Variants in PTPN14 observed in about 807,000 individuals in gnomAD.
PTPN14 encodes tyrosine-protein phosphatase non-receptor type 14.
PTPN14 carries 53 observed loss-of-function variants against 126.8 expected under a neutral mutation model. The ratio of observed to expected loss-of-function variants is 0.42; its 90% CI spans 0.34 to 0.53. The LOEUF (loss-of-function observed/expected upper bound fraction) is 0.53. PTPN14 is among the 20% of genes least tolerant of loss of function. PTPN14 has a pLI of 0.08. For synonymous variants in PTPN14, 630 were observed against 599.3 expected, an observed-to-expected ratio of 1.05 and a Z score of -0.75; for missense variants, 1,257 against 1,552.9, an observed-to-expected ratio of 0.81 and a Z score of 3.20.
At chr1:214,441,572 C>A (rs546126145) in intron 3 of PTPN14, among the ~76,000 whole-genome samples, 1 of 152,226 alleles carries the variant, frequency 6.6e-6, no homozygotes, top group Non-Finnish European at 1.5e-5. Flanking sequence ...CCTCTTCCAA[C>A]GTCAAGATTT....
intron 3 of PTPN14, among the ~76,000 whole-genome samples, chr1:214,423,658 C>T (rs188525870): frequency 1.4e-3 from 207 of 152,310 alleles, no homozygotes; most frequent in Admixed American, 2.3e-3. Context: ...TCACTGAAGG[C>T]GCATTTTCTC....
intron 3 of PTPN14, among the ~76,000 whole-genome samples, chr1:214,416,463 T>C (rs17022877): frequency 0.012 from 1,859 of 152,314 alleles, 47 homozygotes; most frequent in African/African-American, 0.042. Flanking sequence ...TGCTTCCAAC[T>C]TTCATCTACA....
Position 214,489,445 on chromosome 1 carries a change from C to T in PTPN14, c.-154-24488G>A, listed in dbSNP as rs114103944. 8.6e-3 allele frequency among the ~76,000 whole-genome samples: 1,314 copies of T among 152,292 alleles called. 34 individuals carry two copies. Among genetic ancestry groups the T allele is most frequent in the Non-Finnish European group, 7.3e-3 (497 of 68,030 alleles). ...ACCATACCGTTTCTAATCTCCAAGC[C>T]TTTGAGTATTATTGCTTCTGAGAGG... On this transcript the variant is annotated intron_variant, in intron 1 of 18. Coordinates refer to ENST00000366956, the MANE Select transcript of PTPN14 (RefSeq NM_005401.5).
chr1:214,530,002 T>C (rs1571649847), intron 1 of PTPN14: 1 of 152,320 alleles, frequency 6.6e-6, no homozygotes, highest in Middle Eastern at 3.4e-3. Context: ...GATAAACCTC[T>C]ACTTAAGAAA....
chr1:214,388,268 T>C (rs1302582928), intron 11 of PTPN14, among the ~76,000 whole-genome samples: 3 of 152,182 alleles, frequency 2.0e-5, no homozygotes, highest in African/African-American at 4.8e-5. Flanking sequence ...ACCTCAAGCA[T>C]TCTCCATTTT....
At chr1:214,429,050 C>A (rs1384030974) in intron 3 of PTPN14, among the ~76,000 whole-genome samples, 1 of 152,160 alleles carries the variant, frequency 6.6e-6, no homozygotes, top group Non-Finnish European at 1.5e-5. Context: ...GTACATTTTC[C>A]TCACAGAATG....
chr1:214,417,110 A>G (rs1249935147), intron 3 of PTPN14, among the ~76,000 whole-genome samples: 1 of 152,082 alleles, frequency 6.6e-6, no homozygotes, highest in Non-Finnish European at 1.5e-5. Flanking sequence ...GCTCACAAGG[A>G]AAACTTTTTA....
chr1:214,402,437 C>CAAAAAAAAAAAA lies in PTPN14; in HGVS notation c.581+434_581+445dup, dbSNP rs1165595746. 1.3e-3 allele frequency among the ~76,000 whole-genome samples: 62 copies of CAAAAAAAAAAAA among 48,140 alleles called. 7 individuals are homozygous for CAAAAAAAAAAAA. The highest frequency in any genetic ancestry group is 5.9e-3 in the African/African-American group (61 of 10,390). The allele number at this position is 48,140 out of a possible 152,430, so 31.6% of individuals were successfully genotyped here. On this transcript the variant is annotated intron_variant, in intron 6 of 18. Transcript: ENST00000366956. ...CCTGGGTGACAGAGCGAGACTCTGT[C>CAAAAAAAAAAAA]AAAAAAAAAAAAAAAAAAAAAAGCC...
At chr1:214,463,163 C>G (rs956323620) in intron 2 of PTPN14, among the ~76,000 whole-genome samples, 2 of 152,280 alleles carry the variant, frequency 1.3e-5, no homozygotes, top group East Asian at 1.9e-4. Context: ...ATTAGTTGCT[C>G]TAATTTGAGT....
chr1:214,527,630 T>A (rs1655433376), intron 1 of PTPN14, among the ~76,000 whole-genome samples: 1 of 152,196 alleles, frequency 6.6e-6, no homozygotes, highest in South Asian at 2.1e-4. Flanking sequence ...GACATAACAG[T>A]GTTTCCTCTT....
chr1:214,411,181 T>TGTAA (rs951831650), intron 5 of PTPN14, among the ~76,000 whole-genome samples: 2 of 151,752 alleles, frequency 1.3e-5, no homozygotes, highest in Admixed American at 1.3e-4. Flanking sequence ...TACTCCTAGG[T>TGTAA]ATTTTTTTTT....
chr1:214,543,109 TA>T (rs1655882108), intron 1 of PTPN14, among the ~76,000 whole-genome samples: 1 of 152,226 alleles, frequency 6.6e-6, no homozygotes, highest in Non-Finnish European at 1.5e-5. Context: ...CTGTAAAAAC[TA>T]GTAACTTTGA....
intron 1 of PTPN14, among the ~76,000 whole-genome samples, chr1:214,489,203 G>C (rs1051168960): frequency 1.3e-5 from 2 of 152,088 alleles, no homozygotes; most frequent in African/African-American, 4.8e-5. Flanking sequence ...ATATCATTTG[G>C]CCCTCATAAC....
rs970079262 is a variant in PTPN14 at position 214,357,040 on chromosome 1, G to C, written c.*882C>G. The C allele has an allele frequency of 6.6e-6, 1 of 152,248 alleles. No homozygotes were observed. Among genetic ancestry groups the C allele is most frequent in the Non-Finnish European group, 1.5e-5 (1 of 68,106 alleles). 9.4% of individuals were successfully genotyped at this position (152,248 alleles called of 1,614,324 possible). A position where few individuals can be genotyped will look rare whatever the true frequency, so the allele number is the denominator to read the frequency against. ...CTGCTATCCTCTCTCAATCAGGGTA[G>C]AGCCTTAACTGCACAGATGGTCTGG... On this transcript the variant is annotated 3_prime_UTR_variant, in exon 19 of 19. Coordinates refer to ENST00000366956, the MANE Select transcript of PTPN14 (RefSeq NM_005401.5).
intron 1 of PTPN14, among the ~76,000 whole-genome samples, chr1:214,484,359 C>T (rs1210318962): frequency 7.2e-5 from 11 of 152,146 alleles, no homozygotes; most frequent in African/African-American, 1.7e-4. Context: ...AGCCATGATC[C>T]TATGATTGCA....
intron 1 of PTPN14, among the ~76,000 whole-genome samples, chr1:214,500,934 C>A (rs529228663): frequency 3.3e-5 from 5 of 152,048 alleles, no homozygotes; most frequent in African/African-American, 4.8e-5. Flanking sequence ...TCTGGTCCTT[C>A]GTAATTATTC....
chr1:214,550,005 T>C lies in PTPN14; in HGVS notation c.-155+1178A>G, dbSNP rs367973686. ...TTGTGTTCACTCTGCACGAGCTGTT[T>C]CCTCTGCCTGGAATACACCCTCCAG... is the stretch of plus-strand genomic sequence containing the variant. On this transcript the variant is annotated intron_variant, in intron 1 of 18. Coordinates refer to ENST00000366956, the MANE Select transcript of PTPN14 (RefSeq NM_005401.5). Among the ~76,000 whole-genome samples the C allele has an allele frequency of 1.4e-4, 22 of 152,294 alleles. 1 individual carries two copies. The East Asian group carries it at 2.1e-3, about 15-fold the overall frequency.
At chr1:214,434,117 GTAAGACC>G (rs1659859492) in intron 3 of PTPN14, among the ~76,000 whole-genome samples, 1 of 152,010 alleles carries the variant, frequency 6.6e-6, no homozygotes, top group African/African-American at 2.4e-5. Context: ...GGGCAACAGA[GTAAGACC>G]CTGTCTCAAG....
chr1:214,468,683 C>T (rs1017044875), intron 1 of PTPN14, among the ~76,000 whole-genome samples: 1 of 152,070 alleles, frequency 6.6e-6, no homozygotes, highest in African/African-American at 2.4e-5. Flanking sequence ...TATACAGATA[C>T]TCACTCTACT....
Sources: allele counts gnomAD v4.1 joint callset (sites outside exome capture counted in the v4.1 genomes callset), GRCh38; gene constraint gnomAD v4.1.1; transcripts MANE v1.5; gene names NCBI Gene and HGNC (gene_info 2026-07-23, HGNC 2026-07-21).